Variants in CCDC13 observed in about 807,000 individuals in gnomAD.
CCDC13 encodes coiled-coil domain containing 13.
CCDC13 carries 70 observed loss-of-function variants against 87.3 expected under a neutral mutation model. That is an observed-to-expected ratio of 0.80 (90% CI 0.66 to 0.98). The LOEUF (loss-of-function observed/expected upper bound fraction) is 0.98. Among genes scored for constraint, CCDC13 ranks in the 50% least tolerant of loss-of-function variants. The pLI, the probability that CCDC13 is intolerant of heterozygous loss-of-function variation, is 0.00. For synonymous variants in CCDC13, 317 were observed against 360.3 expected (o/e 0.88, Z 1.36); for missense variants, 842 against 892.0 (o/e 0.94, Z 0.71).
At chr3:42,758,463 G>A (rs982089799) in intron 1 of CCDC13, 112 bp from the exon 2 acceptor site, 3 of 974,122 alleles carry the variant, frequency 3.1e-6, no homozygotes, top group East Asian at 2.6e-5. Context: ...CGCGTTGCAT[G>A]TATGTCCACG....
At chr3:42,749,401 G>A (rs956168873) in intron 5 of CCDC13, among the ~76,000 whole-genome samples, 1 of 152,254 alleles carries the variant, frequency 6.6e-6, no homozygotes, top group Admixed American at 6.5e-5. Context: ...CCTGGGCAGT[G>A]ATGCCCTGTC....
At chr3:42,709,937 T>C in intron 14 of CCDC13, 139 bp from the exon 15 acceptor site, 1 of 657,132 alleles carries the variant, frequency 1.5e-6, no homozygotes, top group Non-Finnish European at 2.7e-6. Context: ...AGGGCAACTC[T>C]GAGCTCTGCC....
chr3:42,743,600 TAC>T (rs377644122), intron 7 of CCDC13, among the ~76,000 whole-genome samples: 3 of 125,788 alleles, frequency 2.4e-5, no homozygotes, highest in East Asian at 2.3e-4. Context: ...TATATATATA[TAC>T]ACACACACAT....
intron 13 of CCDC13, among the ~76,000 whole-genome samples, chr3:42,721,648 T>A (rs182923821): frequency 6.6e-6 from 1 of 152,382 alleles, no homozygotes; most frequent in Admixed American, 6.5e-5. Flanking sequence ...TTGGAAACTA[T>A]GTGTGAGTAT....
At position 42,757,154 on chromosome 3, in the gene CCDC13, G is replaced by A. The variant is rs201539134; in HGVS notation, c.282C>T (p.Asn94=). Residue 94 remains asparagine, a synonymous_variant, in exon 3 of 16, where the codon AAC becomes AAT. Coordinates refer to ENST00000310232, the MANE Select transcript of CCDC13 (RefSeq NM_144719.4). ...RNELRETVDE[N]GRLYKLLKER... ...CCTTCAGCAGCTTATACAATCGCCC[G>A]TTCTCGTCCACCGTTTCCCTGAGCT... The A allele has an allele frequency of 2.5e-5, 40 of 1,614,082 alleles. No homozygotes were observed. The highest frequency in any genetic ancestry group is 1.6e-4 in the Middle Eastern group (1 of 6,062).
Position 42,739,714 on chromosome 3 carries a change from C to T in CCDC13, c.1084G>A (p.Glu362Lys). Residue 362 changes from glutamate (E) to lysine (K), a missense_variant, in exon 9 of 16, where the codon GAG (glutamate) becomes AAG (lysine). Coordinates refer to ENST00000310232, the MANE Select transcript of CCDC13 (RefSeq NM_144719.4). ...ATCTGACTCTTGAGGGTCTTCATCT[C>T]ACTTGACAGCAGCTTGTTCCGAGAC... Reference protein sequence around the residue: ...MRSRNKLLSSEMKTLKSQMGT... With the variant: ...MRSRNKLLSSKMKTLKSQMGT... 1 of 1,614,244 alleles carries T rather than the reference C, an allele frequency of 6.2e-7. No homozygotes were observed. Among genetic ancestry groups the T allele is most frequent in the Non-Finnish European group, 8.5e-7 (1 of 1,180,038 alleles).
At chr3:42,709,331 T>A (rs1459127941) in intron 15 of CCDC13, among the ~76,000 whole-genome samples, 192 bp from the exon 16 acceptor site, 1 of 152,226 alleles carries the variant, frequency 6.6e-6, no homozygotes, top group Admixed American at 6.5e-5. Flanking sequence ...CTCCCTGCAA[T>A]GTAAGCTACC....
rs936922266 is a variant in CCDC13, at chr3:42,773,223, ACCT to A, written c.-57_-55del. 6.6e-6 allele frequency: 1 copy of A among 152,106 alleles called. No individual in the cohort carries two copies. The highest frequency in any genetic ancestry group is 1.5e-5 in the Non-Finnish European group (1 of 68,034). 9.4% of individuals were successfully genotyped at this position (152,106 alleles called of 1,614,324 possible). A position where few individuals can be genotyped will look rare whatever the true frequency, so the allele number is the denominator to read the frequency against. On this transcript the variant is annotated 5_prime_UTR_variant, in exon 1 of 16. Transcript: ENST00000310232. Reference sequence around the variant, plus strand: ...CTTCTAGGACCGCGGCGGCTAGGTCACCTCCTCCGGACGCCGACACGCGCTGCC... The same window carrying A: ...CTTCTAGGACCGCGGCGGCTAGGTCACCTCCGGACGCCGACACGCGCTGCC...
rs538648897 is a variant in CCDC13, at chr3:42,735,814, C to T, written c.1264G>A (p.Glu422Lys). 2.0e-5 allele frequency: 32 copies of T among 1,614,250 alleles called. No individual in the cohort carries two copies. Among genetic ancestry groups the T allele is most frequent in the South Asian group, 3.3e-5 (3 of 91,088 alleles). The change falls in exon 10 of 16, where the codon GAG (glutamate) becomes AAG (lysine). Residue 422 changes from glutamate to lysine, a missense_variant. Coordinates refer to ENST00000310232, the MANE Select transcript of CCDC13 (RefSeq NM_144719.4). ...QHHLDQQLNSEAQRSNSLVAQ... is the reference protein window; with the variant it reads ...QHHLDQQLNSKAQRSNSLVAQ... ...ACTAGGCTGTTGCTCCGCTGAGCCT[C>T]GCTGTTCAGTTGCTGGTCCAGGTGG...
chr3:42,757,015 T>C, intron 3 of CCDC13, 51 bp downstream of exon 3: 1 of 1,567,664 alleles, frequency 6.4e-7, no homozygotes, highest in Non-Finnish European at 8.7e-7. Flanking sequence ...CTGCCCTATC[T>C]GAAGTCCCTG....
intron 13 of CCDC13, among the ~76,000 whole-genome samples, chr3:42,717,457 G>A (rs555165585): frequency 6.6e-6 from 1 of 150,566 alleles, no homozygotes; most frequent in Non-Finnish European, 1.5e-5. Context: ...GAGGTTACTA[G>A]ATGCTGGGCT....
At chr3:42,710,039 AG>A (rs1333250985) in intron 14 of CCDC13, among the ~76,000 whole-genome samples, 1 of 151,836 alleles carries the variant, frequency 6.6e-6, no homozygotes, top group African/African-American at 2.4e-5. Flanking sequence ...GCTTTGTACC[AG>A]GGTGGTTCCT....
At chr3:42,745,892 C>T (rs759893085) in intron 7 of CCDC13, 31 bp downstream of exon 7, 2 of 1,556,948 alleles carry the variant, frequency 1.3e-6, no homozygotes, top group Non-Finnish European at 1.8e-6. Flanking sequence ...ATCCTTTGTT[C>T]AGGCCAGGAG....
chr3:42,753,662 G>A (rs1699639465), intron 3 of CCDC13, among the ~76,000 whole-genome samples: 2 of 152,202 alleles, frequency 1.3e-5, no homozygotes, highest in African/African-American at 2.4e-5. Context: ...TTTAGATGGA[G>A]TGGCCAGGAA....
rs763844733 is a variant in CCDC13 at position 42,730,516 on chromosome 3, C to T, written c.1669G>A (p.Glu557Lys). ...SEIKALWQAA[E>K]VERDRLTEFV... ...TCGGTGAGCCGGTCACGCTCCACCT[C>T]GGCAGCCTGCCAGAGGGCCTTGATC... The change falls in exon 13 of 16, where the codon GAG becomes AAG. Residue 557 changes from glutamate (E) to lysine (K), a missense_variant. Transcript: ENST00000310232. The T allele has an allele frequency of 2.4e-5, 38 of 1,614,062 alleles. No homozygotes were observed. The highest frequency in any genetic ancestry group is 2.9e-5 in the Non-Finnish European group (34 of 1,180,012).
chr3:42,710,405 C>T (rs1235959983), intron 14 of CCDC13, among the ~76,000 whole-genome samples: 2 of 152,148 alleles, frequency 1.3e-5, no homozygotes, highest in Non-Finnish European at 1.5e-5. Flanking sequence ...AGCCTGAGGT[C>T]TGGCCTGCAG....
chr3:42,766,997 C>T (rs1214823219), intron 1 of CCDC13, among the ~76,000 whole-genome samples: 2 of 152,186 alleles, frequency 1.3e-5, no homozygotes, highest in African/African-American at 4.8e-5. Context: ...AGACTGGGAA[C>T]ATGACAAGAT....
chr3:42,720,500 C>T lies in CCDC13; in HGVS notation c.1719-7184G>A, dbSNP rs139357980. Among the ~76,000 whole-genome samples the T allele has an allele frequency of 5.2e-3, 794 of 152,194 alleles. 9 individuals are homozygous for T. Among genetic ancestry groups the T allele is most frequent in the African/African-American group, 0.018 (748 of 41,536 alleles). On this transcript the variant is annotated intron_variant, in intron 13 of 15. Transcript: ENST00000310232. ...AATCCCAAACTTACCAAGGTTTTCA[C>T]CAAAAGTAAAAGTTGCTAAGAGTTA...
At position 42,758,314 on chromosome 3, in the gene CCDC13, A is replaced by G; in HGVS notation, c.32T>C (p.Leu11Ser). 4 of 1,613,002 alleles carry G rather than the reference A, an allele frequency of 2.5e-6. No homozygotes were observed. Among genetic ancestry groups the G allele is most frequent in the Non-Finnish European group, 3.4e-6 (4 of 1,180,020 alleles). The change falls in exon 2 of 16, where the codon TTG (leucine) becomes TCG (serine). Residue 11 changes from leucine to serine, a missense_variant. Physicochemically the swap from Leu to Ser is moderately radical, Grantham distance 145. Coordinates refer to ENST00000310232, the MANE Select transcript of CCDC13 (RefSeq NM_144719.4). ...CTGCATTGCCTTGAACTGGAGCCGC[A>G]AAGTGTTCTGTGAGCTTTCATCTGC... is the stretch of plus-strand genomic sequence containing the variant. MAADESSQNTLRLQFKAMQEM... is the reference protein window; with the variant it reads MAADESSQNTSRLQFKAMQEM...
Sources: gnomAD v4.1 joint callset for allele counts (sites outside exome capture counted in the v4.1 genomes callset) on GRCh38, gnomAD v4.1.1 for gene constraint, MANE v1.5 for transcripts, NCBI Gene and HGNC (gene_info 2026-07-23, HGNC 2026-07-21) for gene names.